The following CFAP52 variants were observed in gnomAD, a reference collection of about 807,000 sequenced individuals.
CFAP52 encodes the protein cilia and flagella associated protein 52.
CFAP52 carries 57 observed loss-of-function variants against 70.5 expected under a neutral mutation model. The ratio of observed to expected loss-of-function variants is 0.81; its 90% confidence interval spans 0.65 to 1.01. The LOEUF (loss-of-function observed/expected upper bound fraction) is 1.01, where lower values mean the gene tolerates loss of function less well. Among genes scored for constraint, CFAP52 ranks in the 50% least tolerant of loss-of-function variants. CFAP52 has a pLI of 0.00. For synonymous variants in CFAP52, 267 were observed against 292.5 expected, an observed-to-expected ratio of 0.91 and a Z score of 0.89; for missense variants, 785 against 788.5, an observed-to-expected ratio of 1.00 and a Z score of 0.05.
chr17:9,582,410 G>T (rs1908264693), intron 1 of CFAP52, among the ~76,000 whole-genome samples: 1 of 152,278 alleles, frequency 6.6e-6, no homozygotes, highest in South Asian at 2.1e-4. Flanking sequence ...TACTTATGAG[G>T]TTGCATCTCT....
At chr17:9,606,099 T>C (rs1244892272) in intron 6 of CFAP52, among the ~76,000 whole-genome samples, 1 of 152,070 alleles carries the variant, frequency 6.6e-6, no homozygotes, top group Non-Finnish European at 1.5e-5. Flanking sequence ...AAAACAAAAA[T>C]AGTCCAGGCA....
intron 8 of CFAP52, among the ~76,000 whole-genome samples, chr17:9,615,537 A>T (rs967033001): frequency 1.3e-5 from 2 of 151,706 alleles, no homozygotes; most frequent in Non-Finnish European, 2.9e-5. Context: ...GTCATGTTTT[A>T]TTTGGTTCCG....
chr17:9,641,658 G>T, intron 12 of CFAP52, 66 bp from the exon 13 acceptor site: 1 of 1,170,756 alleles, frequency 8.5e-7, no homozygotes. Context: ...GCCATCTTTT[G>T]TTAGCATGTG....
intron 6 of CFAP52, among the ~76,000 whole-genome samples, chr17:9,601,438 A>T (rs1002235307): frequency 6.6e-6 from 1 of 152,206 alleles, no homozygotes; most frequent in Non-Finnish European, 1.5e-5. Context: ...AAAAAGTACC[A>T]CATTTATGTT....
chr17:9,591,099 A>G (rs1326434556), intron 3 of CFAP52, among the ~76,000 whole-genome samples: 1 of 125,586 alleles, frequency 8.0e-6, no homozygotes, highest in Non-Finnish European at 1.6e-5. Flanking sequence ...GTGCAACGGC[A>G]TGATCTCAGC....
At chr17:9,582,939 G>T (rs1278115723) in intron 1 of CFAP52, among the ~76,000 whole-genome samples, 1 of 152,130 alleles carries the variant, frequency 6.6e-6, no homozygotes, top group African/African-American at 2.4e-5. Flanking sequence ...GCCCAGCCTA[G>T]ATGTTTTTCA....
intron 11 of CFAP52, among the ~76,000 whole-genome samples, 157 bp downstream of exon 11, chr17:9,635,713 A>G (rs990870512): frequency 6.6e-6 from 1 of 152,230 alleles, no homozygotes; most frequent in Non-Finnish European, 1.5e-5. Context: ...ATGACGGTCC[A>G]TGGTTTATCG....
intron 1 of CFAP52, among the ~76,000 whole-genome samples, chr17:9,584,660 CAA>C (rs1908373608): frequency 2.0e-5 from 3 of 151,866 alleles, no homozygotes; most frequent in Admixed American, 6.6e-5. Flanking sequence ...TTGCTCTTGT[CAA>C]CCAGGCTGGA....
At chr17:9,597,803 A>AAG (rs10548437) in intron 4 of CFAP52, among the ~76,000 whole-genome samples, 39,614 of 138,836 alleles carry the variant, frequency 0.29, 6,164 homozygotes, top group East Asian at 0.53. Context: ...CTCTGTCAGA[A>AAG]AGAGAGAGAG....
At position 9,591,289 on chromosome 17, in the gene CFAP52, C is replaced by T. The variant is rs574517538; in HGVS notation, c.408-2904C>T. On this transcript the variant is annotated intron_variant, in intron 3 of 13. Transcript: ENST00000352665. ...CCAACCTCAGGTGATCCACCCTCCT[C>T]GGCCTCCCAAAGTGCTGAGATTATA... 1.9e-3 allele frequency among the ~76,000 whole-genome samples: 288 copies of T among 152,214 alleles called. 2 individuals carry two copies. The highest frequency in any genetic ancestry group is 6.7e-3 in the African/African-American group (277 of 41,552).
At chr17:9,625,411 T>C (rs1224352082) in intron 8 of CFAP52, among the ~76,000 whole-genome samples, 1 of 151,782 alleles carries the variant, frequency 6.6e-6, no homozygotes, top group African/African-American at 2.4e-5. Flanking sequence ...AACTCTGATC[T>C]CTAGCATTGT....
chr17:9,607,390 C>T (rs1909532059), intron 6 of CFAP52, among the ~76,000 whole-genome samples: 1 of 152,182 alleles, frequency 6.6e-6, no homozygotes, highest in Non-Finnish European at 1.5e-5. Context: ...AAATATTGCT[C>T]ACGCACATTT....
intron 8 of CFAP52, among the ~76,000 whole-genome samples, chr17:9,627,435 C>T (rs1270009956): frequency 2.0e-5 from 3 of 152,132 alleles, no homozygotes; most frequent in Non-Finnish European, 4.4e-5. Flanking sequence ...GGCTTGAACA[C>T]AGGAGGTGGA....
chr17:9,580,103 A>G (rs1193114622), intron 1 of CFAP52, among the ~76,000 whole-genome samples: 3 of 152,238 alleles, frequency 2.0e-5, no homozygotes, highest in Non-Finnish European at 2.9e-5. Flanking sequence ...AAACAGCAAC[A>G]ACAACAAAAT....
intron 3 of CFAP52, among the ~76,000 whole-genome samples, chr17:9,592,704 T>TA (rs1231108118): frequency 1.3e-5 from 2 of 152,226 alleles, no homozygotes; most frequent in Non-Finnish European, 1.5e-5. Context: ...TTTCATTTTT[T>TA]ATCATCAAAT....
At chr17:9,610,172 G>A (rs558365436) in intron 7 of CFAP52, 8 of 152,170 alleles carry the variant, frequency 5.3e-5, no homozygotes, top group African/African-American at 1.7e-4. Flanking sequence ...AAGTATTGTC[G>A]ATAATACAAG....
intron 1 of CFAP52, among the ~76,000 whole-genome samples, chr17:9,585,451 G>A (rs1597762186): frequency 6.6e-6 from 1 of 152,054 alleles, no homozygotes; most frequent in South Asian, 2.1e-4. Context: ...GACGGATCAC[G>A]AGGTCAGCAG....
At chr17:9,623,444 T>G (rs912371442) in intron 8 of CFAP52, among the ~76,000 whole-genome samples, 1 of 152,206 alleles carries the variant, frequency 6.6e-6, no homozygotes, top group Non-Finnish European at 1.5e-5. Context: ...TTCATATGTT[T>G]GTATTAAATC....
In CFAP52 at chr17:9,598,293, G is replaced by T; in HGVS notation, c.596G>T (p.Cys199Phe). The T allele has an allele frequency of 6.2e-7, 1 of 1,613,292 alleles. No homozygotes were observed. The highest frequency in any genetic ancestry group is 8.5e-7 in the Non-Finnish European group (1 of 1,179,870). ...AATAGAAAAATCTGGCCAACTGAGT[G>T]CCAAACAGGACAGTTGAAAAGAATA... ...LPNRKIWPTE[C>F]QTGQLKRIVM... Residue 199 changes from cysteine to phenylalanine, a missense_variant, in exon 5 of 14, where the codon TGC becomes TTC. Physicochemically the swap from Cys to Phe is radical, Grantham distance 205. Transcript: ENST00000352665.
Sources: gnomAD v4.1 joint callset for allele counts (sites outside exome capture counted in the v4.1 genomes callset) on GRCh38, gnomAD v4.1.1 for gene constraint, MANE v1.5 for transcripts, NCBI Gene and HGNC (gene_info 2026-07-23, HGNC 2026-07-21) for gene names.